HNRNPUL1: variants seen among roughly 807,000 people sequenced by gnomAD.
HNRNPUL1 encodes the protein heterogeneous nuclear ribonucleoprotein U like 1.
In HNRNPUL1, 14 loss-of-function variants were observed where a neutral mutation model predicts 108.5. The ratio of observed to expected loss-of-function variants is 0.13; its 90% CI spans 0.09 to 0.20. The LOEUF is 0.20. Ranked by LOEUF, HNRNPUL1 falls within the 10% of genes least tolerant of loss-of-function variation. The pLI is 1.00. For missense variants in HNRNPUL1, 804 were observed against 1,168.3 expected (o/e 0.69, Z 4.55); for synonymous variants, 422 against 445.2 (o/e 0.95, Z 0.66).
At position 41,299,265 on chromosome 19, in the gene HNRNPUL1, T is replaced by C. The variant is rs78321273; in HGVS notation, c.1519-2271T>C. 6.5e-3 allele frequency among the ~76,000 whole-genome samples: 989 copies of C among 152,270 alleles called. 9 individuals are homozygous for C. The highest frequency in any genetic ancestry group is 0.023 in the African/African-American group (936 of 41,538). On this transcript the variant is annotated intron_variant, in intron 10 of 14. Coordinates refer to ENST00000392006, the MANE Select transcript of HNRNPUL1 (RefSeq NM_007040.6). Reference sequence around the variant, plus strand: ...TCCTCCTTCGTGAGGGTAGGGACACTTTCCCTGGGGGACAGGGAAGAACAT... The same window carrying C: ...TCCTCCTTCGTGAGGGTAGGGACACCTTCCCTGGGGGACAGGGAAGAACAT...
At chr19:41,273,405 G>A (rs187371274) in intron 3 of HNRNPUL1, among the ~76,000 whole-genome samples, 11 of 151,968 alleles carry the variant, frequency 7.2e-5, no homozygotes, top group African/African-American at 1.9e-4. Flanking sequence ...CTTCTTCCTC[G>A]TTCCTGTACA....
At chr19:41,279,602 A>AG (rs1473573827) in intron 6 of HNRNPUL1, among the ~76,000 whole-genome samples, 2 of 152,196 alleles carry the variant, frequency 1.3e-5, no homozygotes, top group East Asian at 3.9e-4. Context: ...TAGTTGGGAG[A>AG]GGGGCAGGGG....
Position 41,302,938 on chromosome 19 carries a change from A to G in HNRNPUL1, c.1961A>G (p.Asn654Ser). ...GGGGGAGGCAGCGGTGGAGGAGGCA[A>G]CTACCGAGGAGGTGAGACATCTCAC... ...NRGGGSGGGG[N>S]YRGGFNRSGG... The change falls in exon 12 of 15, where the codon AAC becomes AGC. Residue 654 changes from asparagine (N) to serine (S), a missense_variant. Asn to Ser is a conservative substitution (Grantham distance 46, BLOSUM62 1). Coordinates refer to ENST00000392006, the MANE Select transcript of HNRNPUL1 (RefSeq NM_007040.6). 2.0e-6 allele frequency: 3 copies of G among 1,525,998 alleles called. No individual in the cohort carries two copies. The highest frequency in any genetic ancestry group is 2.6e-6 in the Non-Finnish European group (3 of 1,138,762). 94.5% of individuals were successfully genotyped at this position (1,525,998 alleles called of 1,614,324 possible). A position where few individuals can be genotyped will look rare whatever the true frequency, so the allele number is the denominator to read the frequency against.
chr19:41,272,359 T>C, intron 3 of HNRNPUL1, 124 bp downstream of exon 3: 2 of 1,013,114 alleles, frequency 2.0e-6, no homozygotes. Context: ...GCTTTCACAC[T>C]CTTCCTGTCC....
chr19:41,294,492 C>T lies in HNRNPUL1; in HGVS notation c.1389+32C>T, dbSNP rs375451305. 6.2e-7 allele frequency: 1 copy of T among 1,614,060 alleles called. No individual in the cohort carries two copies. Among genetic ancestry groups the T allele is most frequent in the Non-Finnish European group, 8.5e-7 (1 of 1,179,954 alleles). On this transcript the variant is annotated intron_variant, in intron 9 of 14. Transcript: ENST00000392006. This position sits in a 1 kb window ranked among gnomAD's most constrained non-coding sequence, Gnocchi z 4.3. The stretch of plus-strand genomic sequence containing the variant: ...CCAGCCACTGGACTCTCCTTACTCA[C>T]CTCCAACCTACTGAGTGCTGCCCTG...
chr19:41,270,625 T>A (rs1159861521), intron 2 of HNRNPUL1, among the ~76,000 whole-genome samples: 4 of 140,684 alleles, frequency 2.8e-5, no homozygotes, highest in Non-Finnish European at 4.5e-5. Context: ...AGATGGAGTC[T>A]CGCTCTGTTG....
At chr19:41,266,021 C>T (rs1168665202) in intron 1 of HNRNPUL1, among the ~76,000 whole-genome samples, 1 of 152,102 alleles carries the variant, frequency 6.6e-6, no homozygotes, top group Non-Finnish European at 1.5e-5. Flanking sequence ...CCTCGGGGAG[C>T]AGCACGGAAC....
chr19:41,281,251 G>T lies in HNRNPUL1; in HGVS notation c.975G>T (p.Glu325Asp). Residue 325 changes from glutamate (E) to aspartate (D), a missense_variant, in exon 7 of 15, where the codon GAG (glutamate) becomes GAT (aspartate). Glu to Asp is a conservative substitution (Grantham distance 45). Transcript: ENST00000392006. Reference protein sequence around the residue: ...RFENYGDKFAENDVIGCFADF... With the variant: ...RFENYGDKFADNDVIGCFADF... ...AAAACTACGGAGACAAGTTTGCAGA[G>T]AACGATGTGATTGGCTGCTTTGCGG... 1 of 1,613,932 alleles carries T rather than the reference G, an allele frequency of 6.2e-7. No individual in the cohort carries two copies. Among genetic ancestry groups the T allele is most frequent in the Non-Finnish European group, 8.5e-7 (1 of 1,179,828 alleles).
rs929056107 is a variant in HNRNPUL1 at position 41,299,657 on chromosome 19, G to A, written c.1519-1879G>A. ...GGGTGATGATCCTTGTCTTTCAGAC[G>A]AGGAAATTTGAGACTCAGGCTACTT... is the stretch of plus-strand genomic sequence containing the variant. On this transcript the variant is annotated intron_variant, in intron 10 of 14. Coordinates refer to ENST00000392006, the MANE Select transcript of HNRNPUL1 (RefSeq NM_007040.6). 3.9e-5 allele frequency among the ~76,000 whole-genome samples: 6 copies of A among 152,184 alleles called. No individual in the cohort carries two copies. The East Asian group carries it at 5.8e-4, about 15-fold the overall frequency.
Position 41,307,178 on chromosome 19 carries a change from A to G in HNRNPUL1, c.*613A>G, listed in dbSNP as rs1568465226. On this transcript the variant is annotated 3_prime_UTR_variant, in exon 15 of 15. Transcript: ENST00000392006. ...CTGTTGATATTTCATCAAGATAAGCATTTCTTTCCTGAGTTCAGGTGACTG... is the reference window on the plus strand; with the variant it reads ...CTGTTGATATTTCATCAAGATAAGCGTTTCTTTCCTGAGTTCAGGTGACTG... 6.6e-6 allele frequency: 1 copy of G among 152,472 alleles called. No homozygotes were observed. The highest frequency in any genetic ancestry group is 2.4e-5 in the African/African-American group (1 of 41,400). The allele number at this position is 152,472 out of a possible 1,614,324, so 9.4% of individuals were successfully genotyped here.
chr19:41,301,593 C>T lies in HNRNPUL1; in HGVS notation c.1576C>T (p.Arg526Cys), dbSNP rs2037214520. The stretch of plus-strand genomic sequence containing the variant: ...AATGAGACCATTTGAAGGCTTCCAG[C>T]GCAAAGCTATTGTAATTTGTCCCAC... ...RKMRPFEGFQ[R>C]KAIVICPTDE... The change falls in exon 11 of 15, where the codon CGC becomes TGC. Residue 526 changes from arginine (R) to cysteine (C), a missense_variant. Arg to Cys is a radical substitution (Grantham distance 180). Coordinates refer to ENST00000392006, the MANE Select transcript of HNRNPUL1 (RefSeq NM_007040.6). 6.2e-7 allele frequency: 1 copy of T among 1,614,008 alleles called. No homozygotes were observed. The highest frequency in any genetic ancestry group is 1.7e-5 in the Admixed American group (1 of 59,986).
intron 7 of HNRNPUL1, 46 bp downstream of exon 7, chr19:41,281,321 C>A: frequency 7.7e-7 from 1 of 1,290,394 alleles, no homozygotes; most frequent in Non-Finnish European, 1.1e-6. Context: ...AGATGTTGGG[C>A]TACAGACTTC....
chr19:41,265,474 C>T (rs1054235723), intron 1 of HNRNPUL1: 8 of 1,196,926 alleles, frequency 6.7e-6, no homozygotes, highest in Non-Finnish European at 9.0e-6. Context: ...GGGGCACCCC[C>T]ATCTCTCTTC....
At chr19:41,272,396 C>T (rs186333580) in intron 3 of HNRNPUL1, 161 bp downstream of exon 3, 18 of 722,568 alleles carry the variant, frequency 2.5e-5, no homozygotes, top group East Asian at 2.2e-4. Flanking sequence ...CCAGATTCAG[C>T]TTTCCTAAAC....
intron 7 of HNRNPUL1, among the ~76,000 whole-genome samples, chr19:41,285,844 A>G (rs895995358): frequency 2.0e-5 from 3 of 152,120 alleles, no homozygotes; most frequent in African/African-American, 7.2e-5. Flanking sequence ...CCATGCGGTC[A>G]AAAATCCACG....
chr19:41,274,675 A>ACC (rs1335479314), intron 4 of HNRNPUL1, among the ~76,000 whole-genome samples: 2 of 152,326 alleles, frequency 1.3e-5, no homozygotes, highest in African/African-American at 4.8e-5. Context: ...GGTCGAGCCT[A>ACC]TGAATCTAAA....
intron 5 of HNRNPUL1, chr19:41,276,572 C>T (rs150909142): frequency 2.5e-4 from 74 of 296,096 alleles, no homozygotes; most frequent in African/African-American, 1.5e-3. Flanking sequence ...GTAGTGATGA[C>T]ATGTTTGTAG....
chr19:41,304,376 C>A, intron 13 of HNRNPUL1, 115 bp downstream of exon 13: 1 of 1,488,980 alleles, frequency 6.7e-7, no homozygotes, highest in Non-Finnish European at 9.0e-7. Context: ...TACTGGTCTT[C>A]ACTCTAACCT....
In HNRNPUL1 at chr19:41,264,712, C is replaced by T; in HGVS notation, c.209C>T (p.Ser70Phe). 1 of 1,527,520 alleles carries T rather than the reference C, an allele frequency of 6.5e-7. No homozygotes were observed. Among genetic ancestry groups the T allele is most frequent in the Non-Finnish European group, 8.8e-7 (1 of 1,140,768 alleles). 94.6% of individuals were successfully genotyped at this position (1,527,520 alleles called of 1,614,324 possible). Residue 70 changes from serine (S) to phenylalanine (F), a missense_variant, in exon 1 of 15, where the codon TCC (serine) becomes TTC (phenylalanine). Transcript: ENST00000392006. ...INEEVETEGG[S>F]ELEGTAQPPP... The stretch of plus-strand genomic sequence containing the variant: ...GAGGAGGTCGAGACCGAGGGGGGCT[C>T]CGAGCTGGAGGGGACCGCGCAGCCA...
Sources: gnomAD v4.1 joint callset for allele counts (sites outside exome capture counted in the v4.1 genomes callset) on GRCh38, gnomAD v4.1.1 for gene constraint, Gnocchi (gnomAD v3.1) non-coding constraint, MANE v1.5 for transcripts, NCBI Gene and HGNC (gene_info 2026-07-23, HGNC 2026-07-21) for gene names.